Variants in FBN2 observed in about 807,000 individuals in gnomAD.
FBN2 encodes fibrillin 2.
FBN2 carries 105 observed loss-of-function variants against 355.6 expected under a neutral mutation model. That is an observed-to-expected ratio of 0.30 (90% CI 0.25 to 0.35). FBN2 has a LOEUF of 0.35. FBN2 is among the 10% of genes least tolerant of loss of function. The pLI is 1.00. For missense variants in FBN2, 3,280 were observed against 3,758.7 expected (o/e 0.87, Z 3.33); for synonymous variants, 1,350 against 1,301.2 (o/e 1.04, Z -0.81).
intron 7 of FBN2, among the ~76,000 whole-genome samples, chr5:128,435,879 A>AT (rs989529914): frequency 6.6e-6 from 1 of 152,118 alleles, no homozygotes; most frequent in African/African-American, 2.4e-5. Context: ...TGGAATATGT[A>AT]TTTTTTCACA....
At chr5:128,414,803 C>G (rs369754899) in intron 7 of FBN2, among the ~76,000 whole-genome samples, 2 of 151,896 alleles carry the variant, frequency 1.3e-5, no homozygotes, top group Non-Finnish European at 2.9e-5. Context: ...CACTCATTAT[C>G]TACTTTTTTT....
rs2112809114 is a variant in FBN2, at chr5:128,536,390, C to A, written c.337+12G>T. On this transcript the variant is annotated intron_variant, in intron 2 of 64. Coordinates refer to ENST00000262464, the MANE Select transcript of FBN2 (RefSeq NM_001999.4). ...GCGCTGCCCCAAGCTGCGATCCCTG[C>A]CAAGCACTCACGGACAATGCACTGG... The A allele has an allele frequency of 6.2e-7, 1 of 1,612,060 alleles. No individual in the cohort carries two copies. The highest frequency in any genetic ancestry group is 8.5e-7 in the Non-Finnish European group (1 of 1,178,290).
intron 46 of FBN2, 102 bp from the exon 47 acceptor site, chr5:128,301,612 G>T: frequency 8.8e-7 from 1 of 1,134,706 alleles, no homozygotes; most frequent in South Asian, 1.2e-5. Context: ...GCATTTATAA[G>T]AAATCCCATA....
At chr5:128,366,084 A>G (rs1036290635) in intron 17 of FBN2, among the ~76,000 whole-genome samples, 1 of 151,892 alleles carries the variant, frequency 6.6e-6, no homozygotes, top group Non-Finnish European at 1.5e-5. Context: ...TTTAACTTAA[A>G]TGTCACATTA....
intron 11 of FBN2, among the ~76,000 whole-genome samples, chr5:128,389,391 G>A (rs374654866): frequency 1.3e-5 from 2 of 152,192 alleles, no homozygotes; most frequent in South Asian, 4.1e-4. Flanking sequence ...AAGGAGCTAT[G>A]GTGGTGACAC....
chr5:128,431,900 C>G (rs1318389748), intron 7 of FBN2, among the ~76,000 whole-genome samples: 1 of 152,090 alleles, frequency 6.6e-6, no homozygotes, highest in Non-Finnish European at 1.5e-5. Context: ...GAATGGCACG[C>G]ATTAAAACAT....
chr5:128,405,469 T>C (rs1212290525), intron 8 of FBN2, among the ~76,000 whole-genome samples: 1 of 152,138 alleles, frequency 6.6e-6, no homozygotes, highest in Non-Finnish European at 1.5e-5. Flanking sequence ...AAAAAGAGTT[T>C]ATCATAATTT....
At chr5:128,437,608 C>T (rs1753801974) in intron 7 of FBN2, among the ~76,000 whole-genome samples, 2 of 151,958 alleles carry the variant, frequency 1.3e-5, no homozygotes, top group South Asian at 2.1e-4. Context: ...GTGCTTATTA[C>T]ATTGTAATAG....
Position 128,335,224 on chromosome 5 carries a change from G to A in FBN2, c.3919C>T (p.Arg1307Cys), listed in dbSNP as rs922751471. Residue 1307 changes from arginine to cysteine, a missense_variant, in exon 30 of 65, where the codon CGC (arginine) becomes TGC (cysteine). Arg to Cys is a radical substitution (Grantham distance 180, BLOSUM62 -3). Transcript: ENST00000262464. ...ATGAAGCCATCATAGCAGAGGCAGCGATACTCTCCAGGAATGTTGGTACAC... is the reference window on the plus strand; with the variant it reads ...ATGAAGCCATCATAGCAGAGGCAGCAATACTCTCCAGGAATGTTGGTACAC... ...GQCTNIPGEY[R>C]CLCYDGFMAS... is the part of the protein sequence containing the mutation. The A allele has an allele frequency of 8.1e-6, 13 of 1,613,958 alleles. No individual in the cohort carries two copies. The highest frequency in any genetic ancestry group is 1.6e-4 in the Middle Eastern group (1 of 6,084).
rs759839753 is a variant in FBN2, at chr5:128,537,418, C to T, written c.186G>A (p.Glu62=). The T allele has an allele frequency of 1.6e-5, 26 of 1,609,940 alleles. No individual in the cohort carries two copies. The highest frequency in any genetic ancestry group is 3.3e-4 in the Middle Eastern group (2 of 6,082). Residue 62 remains glutamate (E), a synonymous_variant, in exon 1 of 65, where the codon GAG becomes GAA. Coordinates refer to ENST00000262464, the MANE Select transcript of FBN2 (RefSeq NM_001999.4). ...CCACTGCGGCACCCTCCTCGCGATA[C>T]TCGGGCGCTAGAAACCCGCCTTCAG... ...AGSEGGFLAP[E]YREEGAAVAS...
intron 25 of FBN2, among the ~76,000 whole-genome samples, chr5:128,342,400 T>C (rs1310496085): frequency 6.6e-6 from 1 of 152,048 alleles, no homozygotes; most frequent in Non-Finnish European, 1.5e-5. Flanking sequence ...TAGATGAGTA[T>C]ACATGTATGT....
intron 5 of FBN2, among the ~76,000 whole-genome samples, chr5:128,484,233 T>C (rs1755272992): frequency 1.3e-5 from 2 of 152,210 alleles, no homozygotes; most frequent in African/African-American, 2.4e-5. Context: ...ATGAAGGATA[T>C]TATTTTCACG....
chr5:128,292,836 T>G (rs1019085961), intron 48 of FBN2, among the ~76,000 whole-genome samples: 1 of 152,192 alleles, frequency 6.6e-6, no homozygotes, highest in Non-Finnish European at 1.5e-5. Context: ...CAGGCTTTCT[T>G]GAACTGCCAC....
At chr5:128,372,576 C>T (rs1751970539) in intron 15 of FBN2, among the ~76,000 whole-genome samples, 1 of 152,126 alleles carries the variant, frequency 6.6e-6, no homozygotes, top group African/African-American at 2.4e-5. Context: ...ACTGTAACCT[C>T]CACCTCCAGG....
chr5:128,521,491 G>T (rs1756433387), intron 4 of FBN2, among the ~76,000 whole-genome samples: 1 of 152,112 alleles, frequency 6.6e-6, no homozygotes, highest in Admixed American at 6.5e-5. Context: ...TAACAAACCT[G>T]CATGTCCTGT....
chr5:128,404,421 A>C lies in FBN2; in HGVS notation c.1078+4253T>G, dbSNP rs140128200. ...CCTAGTGTTCAGGATGTTGATAGTGAAATGAATGGGACTCCTGGTTAGTGC... is the reference window on the plus strand; with the variant it reads ...CCTAGTGTTCAGGATGTTGATAGTGCAATGAATGGGACTCCTGGTTAGTGC... On this transcript the variant is annotated intron_variant, in intron 8 of 64. Coordinates refer to ENST00000262464, the MANE Select transcript of FBN2 (RefSeq NM_001999.4). Among the ~76,000 whole-genome samples the C allele has an allele frequency of 1.2e-3, 178 of 152,334 alleles. 1 individual carries two copies. Among genetic ancestry groups the C allele is most frequent in the Non-Finnish European group, 2.0e-3 (134 of 68,024 alleles).
intron 5 of FBN2, among the ~76,000 whole-genome samples, chr5:128,489,564 T>C (rs1275176910): frequency 6.6e-6 from 1 of 152,164 alleles, no homozygotes; most frequent in Non-Finnish European, 1.5e-5. Flanking sequence ...AATTCATGAA[T>C]GAGAAATGAT....
chr5:128,344,640 T>C, intron 24 of FBN2, 130 bp from the exon 25 acceptor site: 1 of 795,032 alleles, frequency 1.3e-6, no homozygotes, highest in East Asian at 2.6e-5. Context: ...TACTAAATGT[T>C]TCAGTGATCA....
intron 63 of FBN2, among the ~76,000 whole-genome samples, chr5:128,262,964 C>T (rs186122918): frequency 2.0e-5 from 3 of 152,274 alleles, no homozygotes; most frequent in East Asian, 1.9e-4. Context: ...TCTCTCTGTG[C>T]GATAGGAAAG....
Sources: allele counts gnomAD v4.1 joint callset (sites outside exome capture counted in the v4.1 genomes callset), GRCh38; gene constraint gnomAD v4.1.1; transcripts MANE v1.5; gene names NCBI Gene and HGNC (gene_info 2026-07-23, HGNC 2026-07-21).